Variants in COL5A1 observed in about 807,000 individuals in gnomAD.
COL5A1 encodes collagen alpha-1(V) chain.
COL5A1 carries 16 observed loss-of-function variants against 263.7 expected under a neutral mutation model. That is an observed-to-expected ratio of 0.06 (90% confidence interval 0.04 to 0.09). COL5A1 has a LOEUF of 0.09. Ranked by LOEUF, COL5A1 falls within the 10% of genes least tolerant of loss-of-function variation. The pLI is 1.00. For synonymous variants in COL5A1, 1,012 were observed against 1,004.5 expected (o/e 1.01, Z -0.14); for missense variants, 2,036 against 2,540.5 (o/e 0.80, Z 4.27).
At chr9:134,814,944 G>GCCCCGCCCCT in intron 50 of COL5A1, 40 bp downstream of exon 50, 1 of 1,426,824 alleles carries the variant, frequency 7.0e-7, no homozygotes, top group Non-Finnish European at 9.7e-7. Context: ...CTGCAGCAGG[G>GCCCCGCCCCT]GCGGGGCTCT....
At chr9:134,834,113 T>C (rs974477807) in intron 64 of COL5A1, among the ~76,000 whole-genome samples, 2 of 151,990 alleles carry the variant, frequency 1.3e-5, no homozygotes, top group Non-Finnish European at 2.9e-5. Context: ...CAGGGAGAAG[T>C]GTGGTGCAGC....
At chr9:134,692,569 C>T (rs1262673157) in intron 2 of COL5A1, among the ~76,000 whole-genome samples, 1 of 152,146 alleles carries the variant, frequency 6.6e-6, no homozygotes, top group South Asian at 2.1e-4. Context: ...CACATGGACT[C>T]TGGGTGTGTG....
chr9:134,748,500 G>A (rs905054072), intron 11 of COL5A1, among the ~76,000 whole-genome samples: 1 of 152,238 alleles, frequency 6.6e-6, no homozygotes, highest in Non-Finnish European at 1.5e-5. Context: ...TGCAAGGTTT[G>A]GTTTGGAATT....
intron 1 of COL5A1, among the ~76,000 whole-genome samples, chr9:134,685,730 TCATC>T (rs1209477923): frequency 5.4e-5 from 6 of 111,244 alleles, no homozygotes; most frequent in African/African-American, 1.4e-4. Flanking sequence ...ATCCATCCAT[TCATC>T]CATCCATCCA....
At chr9:134,808,984 C>T (rs997449025) in intron 42 of COL5A1, 199 bp from the exon 43 acceptor site, 3 of 627,488 alleles carry the variant, frequency 4.8e-6, no homozygotes, top group Non-Finnish European at 8.6e-6. Flanking sequence ...TGAAGCGATG[C>T]ACCAGAAGTT....
chr9:134,823,369 C>T (rs1352795263), intron 60 of COL5A1, 47 bp from the exon 61 acceptor site: 1 of 1,603,074 alleles, frequency 6.2e-7, no homozygotes, highest in East Asian at 2.2e-5. Flanking sequence ...ATTCAAAGTC[C>T]CCTCATACCT....
intron 9 of COL5A1, among the ~76,000 whole-genome samples, chr9:134,737,993 G>A (rs535231612): frequency 1.4e-4 from 21 of 152,290 alleles, no homozygotes; most frequent in African/African-American, 4.1e-4. Context: ...CCTGGGGCCT[G>A]ACGGTGGTCC....
intron 1 of COL5A1, among the ~76,000 whole-genome samples, chr9:134,673,054 C>T (rs1375923206): frequency 3.3e-5 from 5 of 152,060 alleles, no homozygotes; most frequent in Non-Finnish European, 7.4e-5. Flanking sequence ...TCTCATGGAC[C>T]AGAAGACTCA....
At chr9:134,813,358 C>T (rs1285093527) in intron 48 of COL5A1, among the ~76,000 whole-genome samples, 1 of 152,164 alleles carries the variant, frequency 6.6e-6, no homozygotes, top group Non-Finnish European at 1.5e-5. Context: ...ACTTGAGCCC[C>T]CTGTGCACCG....
chr9:134,836,023 T>TG (rs1260067657), intron 65 of COL5A1, among the ~76,000 whole-genome samples: 1 of 152,216 alleles, frequency 6.6e-6, no homozygotes, highest in Non-Finnish European at 1.5e-5. Context: ...TTCCAGCCTG[T>TG]GGGTCTTCCT....
At chr9:134,793,191 C>T (rs560120962) in intron 32 of COL5A1, among the ~76,000 whole-genome samples, 4 of 151,720 alleles carry the variant, frequency 2.6e-5, no homozygotes, top group Admixed American at 6.6e-5. Flanking sequence ...GGGAAAGACC[C>T]GCTCTTCAGA....
intron 58 of COL5A1, 31 bp from the exon 59 acceptor site, chr9:134,822,066 G>C (rs777333501): frequency 6.2e-7 from 1 of 1,607,958 alleles, no homozygotes; most frequent in Admixed American, 1.7e-5. Flanking sequence ...TCGTCTGAAG[G>C]TGATAACCTG....
At chr9:134,764,877 A>C (rs1836599963) in intron 20 of COL5A1, among the ~76,000 whole-genome samples, 1 of 152,180 alleles carries the variant, frequency 6.6e-6, no homozygotes, top group African/African-American at 2.4e-5. Context: ...AAAATAACGA[A>C]GGAAACATTT....
intron 4 of COL5A1, among the ~76,000 whole-genome samples, chr9:134,702,777 C>T (rs1049592162): frequency 3.3e-5 from 5 of 152,124 alleles, no homozygotes; most frequent in African/African-American, 9.7e-5. Context: ...TGGGCTCTGT[C>T]GATTGTTGGA....
At chr9:134,787,369 C>T (rs1032709219) in intron 31 of COL5A1, among the ~76,000 whole-genome samples, 5 of 152,176 alleles carry the variant, frequency 3.3e-5, no homozygotes, top group South Asian at 2.1e-4. Context: ...GATTGGCAGG[C>T]GGGCGTGTGA....
chr9:134,800,053 C>G (rs1419205855), intron 37 of COL5A1, among the ~76,000 whole-genome samples: 1 of 152,168 alleles, frequency 6.6e-6, no homozygotes, highest in Non-Finnish European at 1.5e-5. Context: ...TCCAGACAAG[C>G]CTTCCAGAAA....
chr9:134,656,685 C>A (rs1258938979), intron 1 of COL5A1, among the ~76,000 whole-genome samples: 1 of 151,950 alleles, frequency 6.6e-6, no homozygotes, highest in Non-Finnish European at 1.5e-5. Flanking sequence ...CAGATGGTAT[C>A]ATATAATTCT....
At chr9:134,702,365 G>C (rs991022694) in intron 4 of COL5A1, among the ~76,000 whole-genome samples, 1 of 152,154 alleles carries the variant, frequency 6.6e-6, no homozygotes, top group African/African-American at 2.4e-5. Flanking sequence ...TTAGGGCAGT[G>C]TCTCCTCCCT....
chr9:134,796,757 C>A (rs181772890), intron 35 of COL5A1, 91 bp from the exon 36 acceptor site: 5 of 1,179,444 alleles, frequency 4.2e-6, no homozygotes, highest in South Asian at 3.7e-5. Flanking sequence ...ATGACACCTG[C>A]GTTCAGAGAG....
Sources: gnomAD v4.1 joint callset for allele counts (sites outside exome capture counted in the v4.1 genomes callset) on GRCh38, gnomAD v4.1.1 for gene constraint, MANE v1.5 for transcripts, NCBI Gene and HGNC (gene_info 2026-07-23, HGNC 2026-07-21) for gene names.